Variants in PM20D2 observed in about 807,000 individuals in gnomAD.
The protein encoded by PM20D2 is xaa-Arg dipeptidase.
PM20D2 carries 33 observed loss-of-function variants against 42.9 expected under a neutral mutation model. The ratio of observed to expected loss-of-function variants is 0.77; its 90% confidence interval spans 0.58 to 1.03. The LOEUF (loss-of-function observed/expected upper bound fraction) is 1.03. Among genes scored for constraint, PM20D2 ranks in the 50% least tolerant of loss-of-function variants. PM20D2 has a pLI of 0.00. For missense variants in PM20D2, 548 were observed against 557.0 expected (o/e 0.98, Z 0.16); for synonymous variants, 250 against 228.2 (o/e 1.10, Z -0.86).
chr6:89,108,972 T>C, the PM20D2 span, among the ~76,000 whole-genome samples: 1 of 152,270 alleles, frequency 6.6e-6, no homozygotes, highest in Non-Finnish European at 1.5e-5. Flanking sequence ...GTTTTACTAT[T>C]AGTTTCTGAG....
the PM20D2 span, among the ~76,000 whole-genome samples, chr6:89,127,068 G>A: frequency 6.6e-6 from 1 of 152,242 alleles, no homozygotes; most frequent in Non-Finnish European, 1.5e-5. Context: ...GGTCACCTTT[G>A]GATCCTAACT....
At chr6:89,136,061 C>G in the PM20D2 span, among the ~76,000 whole-genome samples, 2 of 151,100 alleles carry the variant, frequency 1.3e-5, no homozygotes, top group Admixed American at 6.6e-5. Flanking sequence ...TGCACCTAGA[C>G]AGCTAGATGA....
the PM20D2 span, among the ~76,000 whole-genome samples, chr6:89,104,204 T>C: frequency 6.6e-6 from 1 of 150,886 alleles, no homozygotes. Context: ...GAAAATTTTA[T>C]TTATCTAAAA....
the PM20D2 span, among the ~76,000 whole-genome samples, chr6:89,129,941 A>G: frequency 1.6e-4 from 25 of 152,058 alleles, no homozygotes; most frequent in African/African-American, 6.0e-4. Context: ...TCAATATATT[A>G]CACAAGCTGG....
Position 89,158,364 on chromosome 6 carries a change from C to G in PM20D2, c.952C>G (p.Leu318Val). The change falls in exon 5 of 7, where the codon CTT (leucine) becomes GTT (valine). Residue 318 changes from leucine (L) to valine (V), a missense_variant. Transcript: ENST00000275072. ...KGGAHDYYNV[L>V]PNKSLWKAYM... is the part of the protein sequence containing the mutation. ...TGGAGCACATGATTATTACAATGTT[C>G]TTCCCAATAAGAGCCTATGGAAAGC... 6.2e-7 allele frequency: 1 copy of G among 1,607,324 alleles called. No individual in the cohort carries two copies. Among genetic ancestry groups the G allele is most frequent in the African/African-American group, 1.3e-5 (1 of 74,470 alleles).
chr6:89,097,907 T>A, the PM20D2 span: 8 of 152,328 alleles, frequency 5.3e-5, no homozygotes, highest in South Asian at 1.0e-3. Flanking sequence ...CCATTCAAAA[T>A]CCAGTATTTC....
At chr6:89,123,287 A>G in the PM20D2 span, among the ~76,000 whole-genome samples, 1 of 152,228 alleles carries the variant, frequency 6.6e-6, no homozygotes, top group East Asian at 1.9e-4. Flanking sequence ...ATTGTTTCCC[A>G]AACTTAAGTC....
intron 5 of PM20D2, among the ~76,000 whole-genome samples, 185 bp downstream of exon 5, chr6:89,158,645 G>A (rs1321591804): frequency 6.6e-6 from 1 of 152,274 alleles, no homozygotes; most frequent in East Asian, 1.9e-4. Context: ...AATGTCAAAC[G>A]AGCAGACTTG....
chr6:89,116,598 A>AACTAATGCCACTAC, the PM20D2 span, among the ~76,000 whole-genome samples: 1 of 152,016 alleles, frequency 6.6e-6, no homozygotes, highest in Non-Finnish European at 1.5e-5. Flanking sequence ...AACATAATGA[A>AACTAATGCCACTAC]ACCTCATCTC....
the PM20D2 span, among the ~76,000 whole-genome samples, chr6:89,133,468 C>G: frequency 6.6e-6 from 1 of 150,842 alleles, no homozygotes; most frequent in Non-Finnish European, 1.5e-5. Context: ...AGGGTTGGGC[C>G]CTGGCTGCAT....
rs1771373708 is a variant in PM20D2 at position 89,165,057 on chromosome 6, C to T, written c.*2794C>T. On this transcript the variant is annotated 3_prime_UTR_variant, in exon 7 of 7. Coordinates refer to ENST00000275072, the MANE Select transcript of PM20D2 (RefSeq NM_001010853.3). ...TGAGGGAACATCTGAAAGCTACCAT[C>T]TTGAAAATTTTTGAGGAAGTGTTTC... 1 of 151,578 alleles carries T rather than the reference C, an allele frequency of 6.6e-6. No homozygotes were observed. Among genetic ancestry groups the T allele is most frequent in the African/African-American group, 2.4e-5 (1 of 41,274 alleles). The allele number at this position is 151,578 out of a possible 1,614,324, so 9.4% of individuals were successfully genotyped here. A position where few individuals can be genotyped will look rare whatever the true frequency, so the allele number is the denominator to read the frequency against.
chr6:89,100,319 A>G, the PM20D2 span, among the ~76,000 whole-genome samples: 1 of 152,238 alleles, frequency 6.6e-6, no homozygotes, highest in Non-Finnish European at 1.5e-5. Flanking sequence ...GTAACAACCC[A>G]GAAGGGCTAC....
At chr6:89,125,735 G>T in the PM20D2 span, among the ~76,000 whole-genome samples, 1 of 150,204 alleles carries the variant, frequency 6.7e-6, no homozygotes, top group East Asian at 2.0e-4. Context: ...GTGAGCCAAG[G>T]TCGCACCATT....
the PM20D2 span, chr6:89,117,715 G>T: frequency 1.8e-6 from 2 of 1,130,176 alleles, no homozygotes; most frequent in Non-Finnish European, 2.4e-6. Flanking sequence ...CCGCGGGGAG[G>T]CTCCGCGCAG....
chr6:89,142,948 G>A (rs56284858), upstream of PM20D2, among the ~76,000 whole-genome samples: 2,265 of 152,086 alleles, frequency 0.015, 21 homozygotes, highest in Admixed American at 0.024. Context: ...GTGCGCCACC[G>A]CGCCCGGCCC....
At chr6:89,155,027 C>A in intron 4 of PM20D2, 125 bp downstream of exon 4, 2 of 834,598 alleles carry the variant, frequency 2.4e-6, no homozygotes, top group African/African-American at 1.8e-5. Context: ...AATGAATTGG[C>A]TGAATAGTTA....
At chr6:89,099,671 G>T in the PM20D2 span, among the ~76,000 whole-genome samples, 1 of 151,878 alleles carries the variant, frequency 6.6e-6, no homozygotes. Flanking sequence ...GAGTAGCTGG[G>T]ATTACAGGCA....
chr6:89,149,534 A>G, intron 2 of PM20D2, 121 bp downstream of exon 2: 1 of 1,231,606 alleles, frequency 8.1e-7, no homozygotes, highest in Non-Finnish European at 1.1e-6. Context: ...GAAAGACAAT[A>G]ACAAGATGTC....
At chr6:89,151,619 G>A (rs184414255) in intron 2 of PM20D2, among the ~76,000 whole-genome samples, 1 of 152,252 alleles carries the variant, frequency 6.6e-6, no homozygotes, top group African/African-American at 2.4e-5. Context: ...TTTTCAGAGT[G>A]TTTTTGGTGT....
Sources: allele counts gnomAD v4.1 joint callset (sites outside exome capture counted in the v4.1 genomes callset), GRCh38; gene constraint gnomAD v4.1.1; transcripts MANE v1.5; gene names NCBI Gene and HGNC (gene_info 2026-07-23, HGNC 2026-07-21).